Variants in ZNF66 observed in about 807,000 individuals in gnomAD.
ZNF66 encodes putative zinc finger protein 66.
A neutral mutation model predicts 35.2 loss-of-function variants in ZNF66; 32 were observed. The ratio of observed to expected loss-of-function variants is 0.91; its 90% confidence interval spans 0.69 to 1.22. The LOEUF (loss-of-function observed/expected upper bound fraction) is 1.22. ZNF66 is among the 50% of genes most tolerant of loss of function. The pLI, the probability that ZNF66 is intolerant of heterozygous loss-of-function variation, is 0.00. For missense variants in ZNF66, 666 were observed against 543.1 expected (o/e 1.23, Z -2.25); for synonymous variants, 231 against 181.3 (o/e 1.27, Z -2.20).
chr19:20,792,058 C>T (rs1971342884), intron 1 of ZNF66, among the ~76,000 whole-genome samples: 2 of 151,250 alleles, frequency 1.3e-5, no homozygotes, highest in South Asian at 4.2e-4. Flanking sequence ...CTTCTTGGGC[C>T]AAAAACATTG....
Position 20,806,161 on chromosome 19 carries a change from CTTT to C in ZNF66, c.562_564del (p.Phe188del). The C allele has an allele frequency of 8.0e-7, 1 of 1,245,942 alleles. No homozygotes were observed. The allele number at this position is 1,245,942 out of a possible 1,614,324, so 77.2% of individuals were successfully genotyped here. Reference sequence around the variant, plus strand: ...GCAAAGCTTTTAACCGGTCCTCAACCTTTACTACACATAAGAAAATTCATACTG... The same window carrying C: ...GCAAAGCTTTTAACCGGTCCTCAACCACTACACATAAGAAAATTCATACTG... On this transcript the variant is annotated inframe_deletion, in exon 4 of 4. Coordinates refer to ENST00000344519, the MANE Select transcript of ZNF66 (RefSeq NM_001355197.2).
In ZNF66 at chr19:20,805,458, C is replaced by T. The variant is rs10404497; in HGVS notation, c.227-369C>T. Among the ~76,000 whole-genome samples the T allele has an allele frequency of 3.0e-3, 463 of 152,180 alleles. 2 individuals are homozygous for T. Among genetic ancestry groups the T allele is most frequent in the African/African-American group, 0.011 (448 of 41,530 alleles). On this transcript the variant is annotated intron_variant, in intron 3 of 3. Transcript: ENST00000344519. ...CAACCCATGTCAGCCTCCCAAAGTG[C>T]TGAGATTACTGGTGTGAGCCATCAC... is the stretch of plus-strand genomic sequence containing the variant.
At chr19:20,780,402 G>A (rs1161051762) in intron 1 of ZNF66, among the ~76,000 whole-genome samples, 2 of 152,058 alleles carry the variant, frequency 1.3e-5, no homozygotes, top group Non-Finnish European at 2.9e-5. Context: ...TATTAAACTG[G>A]TAAACATAAC....
At chr19:20,779,052 A>G (rs1971221655) in intron 1 of ZNF66, among the ~76,000 whole-genome samples, 1 of 152,194 alleles carries the variant, frequency 6.6e-6, no homozygotes. Context: ...AGGAGCCTTT[A>G]TCCTGAGAGA....
Position 20,776,430 on chromosome 19 carries a change from C to G in ZNF66, c.-18C>G. Reference sequence around the variant, plus strand: ...GAGATCCACAGCTAAGACGCCAGGACCCCCTGGAAGCCTAGAAATGGTGAG... The same window carrying G: ...GAGATCCACAGCTAAGACGCCAGGAGCCCCTGGAAGCCTAGAAATGGTGAG... On this transcript the variant is annotated 5_prime_UTR_variant, in exon 1 of 4. Coordinates refer to ENST00000344519, the MANE Select transcript of ZNF66 (RefSeq NM_001355197.2). 2 of 1,558,206 alleles carry G rather than the reference C, an allele frequency of 1.3e-6. No homozygotes were observed. Among genetic ancestry groups the G allele is most frequent in the Non-Finnish European group, 1.8e-6 (2 of 1,131,158 alleles).
At position 20,776,431 on chromosome 19, in the gene ZNF66, C is replaced by A. The variant is rs1009882666; in HGVS notation, c.-17C>A. On this transcript the variant is annotated 5_prime_UTR_variant, in exon 1 of 4. Coordinates refer to ENST00000344519, the MANE Select transcript of ZNF66 (RefSeq NM_001355197.2). ...AGATCCACAGCTAAGACGCCAGGACCCCCTGGAAGCCTAGAAATGGTGAGA... is the reference window on the plus strand; with the variant it reads ...AGATCCACAGCTAAGACGCCAGGACACCCTGGAAGCCTAGAAATGGTGAGA... 1.9e-6 allele frequency: 3 copies of A among 1,558,608 alleles called. No homozygotes were observed. Among genetic ancestry groups the A allele is most frequent in the East Asian group, 4.5e-5 (2 of 44,424 alleles).
intron 3 of ZNF66, among the ~76,000 whole-genome samples, chr19:20,798,053 G>A (rs1233079832): frequency 2.0e-5 from 3 of 150,762 alleles, no homozygotes; most frequent in Admixed American, 6.6e-5. Context: ...TTTTAGTTAT[G>A]GCTTATCTTA....
intron 3 of ZNF66, among the ~76,000 whole-genome samples, chr19:20,805,126 T>TGTGAGAGAGAGAGAGAGAGA (rs752355466): frequency 6.9e-6 from 1 of 145,984 alleles, no homozygotes; most frequent in Non-Finnish European, 1.5e-5. Context: ...TGTGTGTGTG[T>TGTGAGAGAGAGAGAGAGAGA]GAGAGAGAGA....
At chr19:20,776,639 A>G (rs1971197377) in intron 1 of ZNF66, among the ~76,000 whole-genome samples, 189 bp downstream of exon 1, 1 of 152,132 alleles carries the variant, frequency 6.6e-6, no homozygotes, top group Non-Finnish European at 1.5e-5. Flanking sequence ...TTCCCCGCGC[A>G]GTGACTGTGC....
intron 1 of ZNF66, among the ~76,000 whole-genome samples, chr19:20,782,521 A>G (rs1290924031): frequency 6.6e-6 from 1 of 152,208 alleles, no homozygotes; most frequent in Admixed American, 6.5e-5. Flanking sequence ...TTTCTCTGCA[A>G]CCTTGCCAGC....
At position 20,778,970 on chromosome 19, in the gene ZNF66, A is replaced by C. The variant is rs1216132175; in HGVS notation, c.3+2520A>C. On this transcript the variant is annotated intron_variant, in intron 1 of 3. Transcript: ENST00000344519. Reference sequence around the variant, plus strand: ...CTAATAATTAAGCCTGCAACTGGATATTGAAGACTCAGTTAGTTTTTTCTG... The same window carrying C: ...CTAATAATTAAGCCTGCAACTGGATCTTGAAGACTCAGTTAGTTTTTTCTG... Among the ~76,000 whole-genome samples the C allele has an allele frequency of 1.1e-4, 16 of 152,260 alleles. 1 individual carries two copies. The South Asian group carries it at 3.3e-3, about 32-fold the overall frequency.
intron 1 of ZNF66, among the ~76,000 whole-genome samples, chr19:20,792,106 G>A (rs1971343439): frequency 1.3e-5 from 2 of 151,386 alleles, no homozygotes; most frequent in South Asian, 2.1e-4. Context: ...CAAAAAATCA[G>A]ACTTTATTCC....
chr19:20,805,597 G>T (rs193218440), intron 3 of ZNF66, among the ~76,000 whole-genome samples: 49 of 151,576 alleles, frequency 3.2e-4, no homozygotes, highest in African/African-American at 1.1e-3. Flanking sequence ...TCTTTGCATT[G>T]TACTCACCTT....
Position 20,807,674 on chromosome 19 carries a change from G to A in ZNF66, c.*352G>A, listed in dbSNP as rs920126227. The stretch of plus-strand genomic sequence containing the variant: ...CGGATCACTGAAACCTCTGCCTCCC[G>A]GGTTCAAGCCATTTTCCTGCCTCAG... On this transcript the variant is annotated 3_prime_UTR_variant, in exon 4 of 4. Coordinates refer to ENST00000344519, the MANE Select transcript of ZNF66 (RefSeq NM_001355197.2). Among the ~76,000 whole-genome samples the A allele has an allele frequency of 2.6e-5, 4 of 151,438 alleles. No individual in the cohort carries two copies. Among genetic ancestry groups the A allele is most frequent in the Admixed American group, 1.3e-4 (2 of 15,192 alleles).
At chr19:20,798,918 A>G (rs897839686) in intron 3 of ZNF66, 1 of 152,150 alleles carries the variant, frequency 6.6e-6, no homozygotes, top group Non-Finnish European at 1.5e-5. Flanking sequence ...GTGTTTATAA[A>G]TTAAGAGATA....
intron 3 of ZNF66, among the ~76,000 whole-genome samples, chr19:20,804,568 G>C (rs1971481468): frequency 6.6e-6 from 1 of 152,016 alleles, no homozygotes. Context: ...TTTTGAGACA[G>C]GCTTCCTCTG....
At chr19:20,778,161 C>T (rs1044915934) in intron 1 of ZNF66, among the ~76,000 whole-genome samples, 6 of 152,192 alleles carry the variant, frequency 3.9e-5, no homozygotes, top group South Asian at 2.1e-4. Flanking sequence ...AGTGCAGTGG[C>T]GTGATCTCGG....
rs1483785998 is a variant in ZNF66 at position 20,776,350 on chromosome 19, T to C, written c.-98T>C. On this transcript the variant is annotated 5_prime_UTR_variant, in exon 1 of 4. Transcript: ENST00000344519. ...TCCAGGTCGTCTGTTCACTGCTCTC[T>C]GTCTTCTTCTCCTAGAGGCCCAGCC... is the stretch of plus-strand genomic sequence containing the variant. The C allele has an allele frequency of 6.7e-7, 1 of 1,488,188 alleles. No homozygotes were observed. Among genetic ancestry groups the C allele is most frequent in the Non-Finnish European group, 9.4e-7 (1 of 1,068,436 alleles). The allele number at this position is 1,488,188 out of a possible 1,614,324, so 92.2% of individuals were successfully genotyped here.
At chr19:20,777,135 AAAATT>A (rs1373031759) in intron 1 of ZNF66, among the ~76,000 whole-genome samples, 1 of 151,578 alleles carries the variant, frequency 6.6e-6, no homozygotes, top group African/African-American at 2.4e-5. Context: ...AAAAAAAAAA[AAAATT>A]ATGGGAGTCA....
Sources: allele counts gnomAD v4.1 joint callset (sites outside exome capture counted in the v4.1 genomes callset), GRCh38; gene constraint gnomAD v4.1.1; transcripts MANE v1.5; gene names NCBI Gene and HGNC (gene_info 2026-07-23, HGNC 2026-07-21).